STAT5A: variants seen among roughly 807,000 people sequenced by gnomAD.
STAT5A encodes the protein epididymis secretory sperm binding protein.
In STAT5A, 26 loss-of-function variants were observed where a neutral mutation model predicts 100.2. The ratio of observed to expected loss-of-function variants is 0.26; its 90% CI spans 0.19 to 0.36. The LOEUF is 0.36. Ranked by LOEUF, STAT5A falls within the 10% of genes least tolerant of loss-of-function variation. STAT5A has a pLI of 1.00. For synonymous variants in STAT5A, 330 were observed against 424.3 expected (o/e 0.78, Z 2.73); for missense variants, 634 against 1,027.5 (o/e 0.62, Z 5.24).
chr17:42,302,355 G>A (rs954232464), intron 9 of STAT5A, among the ~76,000 whole-genome samples: 9 of 152,162 alleles, frequency 5.9e-5, no homozygotes, highest in East Asian at 1.9e-4. Flanking sequence ...GTAGGGCACC[G>A]AGAAAGGGGG....
rs773683783 is a variant in STAT5A, at chr17:42,305,735, C to T, written c.1473+33C>T. The T allele has an allele frequency of 2.5e-6, 4 of 1,609,418 alleles. No individual in the cohort carries two copies. In the South Asian group the frequency reaches 4.4e-5, roughly 18 times the overall value. ...CCCGTGGGAGCCCTACCCCAGCACCCCCAGGCCCTAGGACTCACCTGGGGT... is the reference window on the plus strand; with the variant it reads ...CCCGTGGGAGCCCTACCCCAGCACCTCCAGGCCCTAGGACTCACCTGGGGT... On this transcript the variant is annotated intron_variant, in intron 12 of 18. Transcript: ENST00000590949.
chr17:42,300,488 T>A (rs72823007), intron 7 of STAT5A, among the ~76,000 whole-genome samples: 1 of 152,032 alleles, frequency 6.6e-6, no homozygotes, highest in Non-Finnish European at 1.5e-5. Flanking sequence ...GGGGGTGGGA[T>A]GGGGCTCGGG....
rs1304411117 is a variant in STAT5A, at chr17:42,301,370, T to C, written c.1085T>C (p.Val362Ala). 6.2e-7 allele frequency: 1 copy of C among 1,614,172 alleles called. No homozygotes were observed. The highest frequency in any genetic ancestry group is 1.1e-5 in the South Asian group (1 of 91,084). The change falls in exon 9 of 19, where the codon GTG becomes GCG. Residue 362 changes from valine (V) to alanine (A), a missense_variant. By Grantham distance (64) the Val-to-Ala change is moderately conservative. Around this residue, in one of 5 missense-constraint regions of STAT5A, gnomAD observed 98 missense variants for 149.7 expected, o/e 0.65. Coordinates refer to ENST00000590949, the MANE Select transcript of STAT5A (RefSeq NM_001288718.2). ...VRLLVGGKLN[V>A]HMNPPQVKAT... is the part of the protein sequence containing the mutation. The stretch of plus-strand genomic sequence containing the variant: ...CTGCTGGTGGGCGGGAAGCTGAACG[T>C]GCACATGAATCCCCCCCAGGTGAAG...
chr17:42,304,492 G>T lies in STAT5A; in HGVS notation c.1258-38G>T, dbSNP rs373320375. 1 of 1,614,094 alleles carries T rather than the reference G, an allele frequency of 6.2e-7. No individual in the cohort carries two copies. Among genetic ancestry groups the T allele is most frequent in the South Asian group, 1.1e-5 (1 of 91,076 alleles). ...CAGAGCTGAGTCCTTGTAAGCAGCC[G>T]CCATCTCCCTGTTCCCCTGTCACCT... On this transcript the variant is annotated intron_variant, in intron 10 of 18. Coordinates refer to ENST00000590949, the MANE Select transcript of STAT5A (RefSeq NM_001288718.2). This position sits in a 1 kb window ranked among gnomAD's most constrained non-coding sequence, Gnocchi z 4.8.
At position 42,306,424 on chromosome 17, in the gene STAT5A, G is replaced by T. The variant is rs1432916053; in HGVS notation, c.1657G>T (p.Val553Leu). 1.9e-6 allele frequency: 3 copies of T among 1,613,414 alleles called. No homozygotes were observed. Among genetic ancestry groups the T allele is most frequent in the Non-Finnish European group, 2.5e-6 (3 of 1,179,658 alleles). The stretch of plus-strand genomic sequence containing the variant: ...CCTGGAGGACTACAGTGGCCTGTCC[G>T]TGTCCTGGTCCCAGTTCAACAGGGT... ...SHLEDYSGLS[V>L]SWSQFNRENL... The change falls in exon 13 of 19, where the codon GTG becomes TTG. Residue 553 changes from valine to leucine, a missense_variant. This residue lies in a region of STAT5A where 210 missense variants were observed against 428.4 expected (regional missense o/e 0.49). Coordinates refer to ENST00000590949, the MANE Select transcript of STAT5A (RefSeq NM_001288718.2).
At chr17:42,307,803 G>C in intron 15 of STAT5A, 80 bp downstream of exon 15, 2 of 1,568,838 alleles carry the variant, frequency 1.3e-6, no homozygotes, top group Non-Finnish European at 1.7e-6. Flanking sequence ...CCCTCCATCG[G>C]GCCTGTGTCC....
chr17:42,289,232 C>G (rs763276170), intron 1 of STAT5A, 170 bp from the exon 2 acceptor site: 29 of 645,426 alleles, frequency 4.5e-5, no homozygotes, highest in Non-Finnish European at 6.9e-5. Context: ...AGGGGATGGG[C>G]GGCCCTCCAC....
Position 42,310,656 on chromosome 17 carries a change from G to T in STAT5A, c.2372G>T (p.Gly791Val). The T allele has an allele frequency of 6.2e-7, 1 of 1,614,178 alleles. No individual in the cohort carries two copies. Among genetic ancestry groups the T allele is most frequent in the Non-Finnish European group, 8.5e-7 (1 of 1,180,036 alleles). ...GCCGGTCTTTTCACCTCTGCCAGAGGCTCCCTCTCATGAATGTTTGAATCC... is the reference window on the plus strand; with the variant it reads ...GCCGGTCTTTTCACCTCTGCCAGAGTCTCCCTCTCATGAATGTTTGAATCC... ...PPAGLFTSAR[G>V]SLS Residue 791 changes from glycine (G) to valine (V), a missense_variant, in exon 19 of 19, where the codon GGC (glycine) becomes GTC (valine). Physicochemically the swap from Gly to Val is moderately radical, Grantham distance 109. This residue lies in a region of STAT5A where 88 missense variants were observed against 95.1 expected (regional missense o/e 0.92). Coordinates refer to ENST00000590949, the MANE Select transcript of STAT5A (RefSeq NM_001288718.2).
Position 42,291,994 on chromosome 17 carries a change from T to A in STAT5A, c.308T>A (p.Leu103Gln), listed in dbSNP as rs767962855. 1 of 1,613,944 alleles carries A rather than the reference T, an allele frequency of 6.2e-7. No homozygotes were observed. The highest frequency in any genetic ancestry group is 2.2e-5 in the East Asian group (1 of 44,872). ...CAGAAAACATATGACCGCTGCCCCCTGGAGCTGGTCCGCTGCATCCGGCAC... is the reference window on the plus strand; with the variant it reads ...CAGAAAACATATGACCGCTGCCCCCAGGAGCTGGTCCGCTGCATCCGGCAC... ...QLQKTYDRCP[L>Q]ELVRCIRHIL... Residue 103 changes from leucine to glutamine, a missense_variant, in exon 4 of 19, where the codon CTG becomes CAG. By Grantham distance (113) the Leu-to-Gln change is moderately radical. Around this residue, in one of 5 missense-constraint regions of STAT5A, gnomAD observed 207 missense variants for 256.6 expected, o/e 0.81. Coordinates refer to ENST00000590949, the MANE Select transcript of STAT5A (RefSeq NM_001288718.2).
In STAT5A at chr17:42,310,621, C is replaced by G. The variant is rs1489646825; in HGVS notation, c.2337C>G (p.Leu779=). Residue 779 remains leucine, a synonymous_variant, in exon 19 of 19, where the codon CTC becomes CTG. Coordinates refer to ENST00000590949, the MANE Select transcript of STAT5A (RefSeq NM_001288718.2). The part of the protein sequence containing the change: ...RRPMDSLDSR[L]SPPAGLFTSA... ...CAATGGACAGTCTTGACTCCCGCCT[C>G]TCGCCCCCTGCCGGTCTTTTCACCT... 5.6e-6 allele frequency: 9 copies of G among 1,614,214 alleles called. No homozygotes were observed. Among genetic ancestry groups the G allele is most frequent in the Non-Finnish European group, 7.6e-6 (9 of 1,180,038 alleles).
At chr17:42,309,143 C>T (rs1240304516) in intron 17 of STAT5A, 45 bp downstream of exon 17, 3 of 1,612,714 alleles carry the variant, frequency 1.9e-6, no homozygotes, top group East Asian at 2.2e-5. Flanking sequence ...CTCTTTCCTC[C>T]TCCCCCAGAC....
intron 2 of STAT5A, 131 bp from the exon 3 acceptor site, chr17:42,289,735 C>A: frequency 1.4e-6 from 2 of 1,397,106 alleles, no homozygotes; most frequent in Non-Finnish European, 9.5e-7. Flanking sequence ...TGTGGAGCTG[C>A]TGGGAACAAG....
chr17:42,305,179 G>A (rs371002311), intron 11 of STAT5A, among the ~76,000 whole-genome samples: 2 of 152,130 alleles, frequency 1.3e-5, no homozygotes, highest in Middle Eastern at 3.4e-3. Flanking sequence ...CAGTCTGGGC[G>A]ACCGAGCGAG....
At chr17:42,309,539 G>T in intron 18 of STAT5A, 55 bp downstream of exon 18, 1 of 1,568,918 alleles carries the variant, frequency 6.4e-7, no homozygotes, top group Non-Finnish European at 8.7e-7. Context: ...TTGGCCCCAG[G>T]CTGGACTCCT....
At chr17:42,299,602 GC>G in intron 5 of STAT5A, 148 bp from the exon 6 acceptor site, 3 of 1,344,046 alleles carry the variant, frequency 2.2e-6, no homozygotes, top group South Asian at 1.4e-5. Flanking sequence ...ATTCATCTTG[GC>G]CCCCCTGGCT....
At chr17:42,290,872 C>T (rs557111283) in intron 3 of STAT5A, among the ~76,000 whole-genome samples, 213 of 152,332 alleles carry the variant, frequency 1.4e-3, no homozygotes, top group African/African-American at 4.7e-3. Flanking sequence ...TCCCCCACCA[C>T]TTTTTGGCAC....
Position 42,305,746 on chromosome 17 carries a change from G to A in STAT5A, c.1473+44G>A, listed in dbSNP as rs201376474. The A allele has an allele frequency of 7.0e-5, 112 of 1,596,198 alleles. 1 individual carries two copies. The African/African-American group carries it at 8.3e-4, about 12-fold the overall frequency. ...CCTACCCCAGCACCCCCAGGCCCTA[G>A]GACTCACCTGGGGTCAGCCCCACCC... On this transcript the variant is annotated intron_variant, in intron 12 of 18. Coordinates refer to ENST00000590949, the MANE Select transcript of STAT5A (RefSeq NM_001288718.2).
intron 18 of STAT5A, chr17:42,309,727 T>C: frequency 2.3e-6 from 1 of 444,282 alleles, no homozygotes; most frequent in East Asian, 3.7e-5. Flanking sequence ...CAAGTTTCCT[T>C]ATGTGTAAAA....
intron 11 of STAT5A, 51 bp from the exon 12 acceptor site, chr17:42,305,558 AG>A: frequency 6.7e-7 from 1 of 1,483,254 alleles, no homozygotes; most frequent in African/African-American, 1.4e-5. Context: ...GCCTAAGCAG[AG>A]GGCACGTGGT....
Sources: gnomAD v4.1 joint callset for allele counts (sites outside exome capture counted in the v4.1 genomes callset) on GRCh38, gnomAD v4.1.1 for gene constraint, gnomAD v4.1.1 regional missense constraint, Gnocchi (gnomAD v3.1) non-coding constraint, MANE v1.5 for transcripts, NCBI Gene and HGNC (gene_info 2026-07-23, HGNC 2026-07-21) for gene names.